WASF3: variants seen among roughly 807,000 people sequenced by gnomAD.
The protein encoded by WASF3 is WASP family member 3, also known as actin-binding protein WASF3.
In WASF3, 11 loss-of-function variants were observed where a neutral mutation model predicts 46.6. The observed-to-expected ratio is 0.24, with a 90% CI of 0.15 to 0.39. The LOEUF (loss-of-function observed/expected upper bound fraction) is 0.39. Ranked by LOEUF, WASF3 falls within the 10% of genes least tolerant of loss-of-function variation. The pLI is 1.00. For synonymous variants in WASF3, 242 were observed against 259.7 expected (o/e 0.93, Z 0.65); for missense variants, 576 against 669.8 (o/e 0.86, Z 1.55).
intron 2 of WASF3, chr13:26,640,919 G>T (rs1881977818): frequency 6.6e-6 from 1 of 152,162 alleles, no homozygotes; most frequent in African/African-American, 2.4e-5. Context: ...CATATTTGTA[G>T]ATCTTTTCTC....
the WASF3 span, among the ~76,000 whole-genome samples, chr13:26,551,840 T>C: frequency 1.3e-5 from 2 of 152,200 alleles, no homozygotes; most frequent in Admixed American, 6.5e-5. Flanking sequence ...AGTGGGAGAC[T>C]CTGACGGTTT....
At chr13:26,573,319 T>G (rs1322015810) in intron 1 of WASF3, among the ~76,000 whole-genome samples, 2 of 152,180 alleles carry the variant, frequency 1.3e-5, no homozygotes, top group Non-Finnish European at 2.9e-5. Flanking sequence ...TTTGTGCATT[T>G]GCTCATTTTT....
In WASF3 at chr13:26,686,034, CAT is replaced by C. The variant is rs1883394906; in HGVS notation, c.*191_*192del. 2 of 673,476 alleles carry C rather than the reference CAT, an allele frequency of 3.0e-6. No individual in the cohort carries two copies. The highest frequency in any genetic ancestry group is 1.8e-5 in the African/African-American group (1 of 55,606). 41.7% of individuals were successfully genotyped at this position (673,476 alleles called of 1,614,324 possible). On this transcript the variant is annotated 3_prime_UTR_variant, in exon 10 of 10. Coordinates refer to ENST00000335327, the MANE Select transcript of WASF3 (RefSeq NM_006646.6). ...TGTGTAATACTTAAGTGCCACTAAA[CAT>C]AGCAAATTGTGCTGCACATGAGGAA...
intron 1 of WASF3, among the ~76,000 whole-genome samples, chr13:26,558,559 CAGTT>C (rs1241720058): frequency 6.7e-6 from 1 of 150,316 alleles, no homozygotes; most frequent in East Asian, 1.9e-4. Context: ...AGCTTCCTCT[CAGTT>C]TGTGGTGCTG....
rs1027505693 is a variant in WASF3, at chr13:26,688,062, A to G, written c.*2217A>G. 1 of 152,164 alleles carries G rather than the reference A, an allele frequency of 6.6e-6. No individual in the cohort carries two copies. Among genetic ancestry groups the G allele is most frequent in the Non-Finnish European group, 1.5e-5 (1 of 68,030 alleles). 9.4% of individuals were successfully genotyped at this position (152,164 alleles called of 1,614,324 possible). Reference sequence around the variant, plus strand: ...GAATCAACAAGTTATTTTCAACTCAATTTTATGACTTGCGAAAAAGCTTTT... The same window carrying G: ...GAATCAACAAGTTATTTTCAACTCAGTTTTATGACTTGCGAAAAAGCTTTT... On this transcript the variant is annotated 3_prime_UTR_variant, in exon 10 of 10. Transcript: ENST00000335327.
chr13:26,641,610 T>G (rs1036491674), intron 2 of WASF3, among the ~76,000 whole-genome samples: 1 of 151,880 alleles, frequency 6.6e-6, no homozygotes, highest in Non-Finnish European at 1.5e-5. Context: ...AAACAGGAAT[T>G]AGGGAGAGAT....
chr13:26,569,773 A>T (rs1246716666), intron 1 of WASF3, among the ~76,000 whole-genome samples: 2 of 152,256 alleles, frequency 1.3e-5, no homozygotes, highest in East Asian at 3.8e-4. Flanking sequence ...AGTTTTATTG[A>T]AAAGATTGAT....
rs763182288 is a variant in WASF3, at chr13:26,671,908, T to C, written c.459T>C (p.Asp153=). 12 of 1,610,866 alleles carry C rather than the reference T, an allele frequency of 7.4e-6. No homozygotes were observed. In the South Asian group the frequency reaches 1.3e-4, roughly 18 times the overall value. The part of the protein sequence containing the change: ...DKKDGLKFYT[D]PSYFFDLWKE... ...AGGATGGGCTGAAGTTCTATACTGA[T>C]CCTTCCTATTTCTTTGACCTCTGGA... The change falls in exon 6 of 10, where the codon GAT becomes GAC. Residue 153 remains aspartate, a synonymous_variant. Coordinates refer to ENST00000335327, the MANE Select transcript of WASF3 (RefSeq NM_006646.6).
At chr13:26,665,216 T>A in intron 4 of WASF3, 54 bp downstream of exon 4, 2 of 1,591,052 alleles carry the variant, frequency 1.3e-6, no homozygotes, top group Non-Finnish European at 1.7e-6. Flanking sequence ...AAGATGGTAG[T>A]AATTAATTGC....
chr13:26,568,165 C>G (rs984339006), intron 1 of WASF3, among the ~76,000 whole-genome samples: 1 of 151,996 alleles, frequency 6.6e-6, no homozygotes, highest in African/African-American at 2.4e-5. Context: ...AGATGAAAAA[C>G]CATTGCAAAG....
chr13:26,658,725 T>G (rs888492812), intron 3 of WASF3, among the ~76,000 whole-genome samples: 1 of 152,310 alleles, frequency 6.6e-6, no homozygotes, highest in South Asian at 2.1e-4. Context: ...AAGGCAGAAC[T>G]CCAACTCTCC....
intron 3 of WASF3, among the ~76,000 whole-genome samples, chr13:26,657,737 T>G (rs971612179): frequency 6.6e-6 from 1 of 152,268 alleles, no homozygotes; most frequent in Non-Finnish European, 1.5e-5. Flanking sequence ...TAGCTATTAA[T>G]GGACTTGCTA....
the WASF3 span, among the ~76,000 whole-genome samples, chr13:26,543,570 G>A: frequency 1.3e-5 from 2 of 152,098 alleles, no homozygotes; most frequent in African/African-American, 4.8e-5. Flanking sequence ...AGGAAGAGAG[G>A]AGAAAGGGCG....
At chr13:26,574,464 A>AT (rs149577585) in intron 1 of WASF3, among the ~76,000 whole-genome samples, 2,050 of 147,742 alleles carry the variant, frequency 0.014, 27 homozygotes, top group East Asian at 0.048. Context: ...TTTTGTCTTG[A>AT]TTTTTTTTTT....
At chr13:26,586,288 G>A (rs1490442406) in intron 1 of WASF3, among the ~76,000 whole-genome samples, 4 of 151,860 alleles carry the variant, frequency 2.6e-5, no homozygotes, top group African/African-American at 9.7e-5. Context: ...CATTTTTGCT[G>A]TTAATACATC....
chr13:26,671,909 C>G lies in WASF3; in HGVS notation c.460C>G (p.Pro154Ala). 1 of 1,610,632 alleles carries G rather than the reference C, an allele frequency of 6.2e-7. No individual in the cohort carries two copies. The highest frequency in any genetic ancestry group is 2.2e-5 in the East Asian group (1 of 44,694). The change falls in exon 6 of 10, where the codon CCT becomes GCT. Residue 154 changes from proline (P) to alanine (A), a missense_variant. Physicochemically the swap from Pro to Ala is conservative, Grantham distance 27 (BLOSUM62 -1). Coordinates refer to ENST00000335327, the MANE Select transcript of WASF3 (RefSeq NM_006646.6). ...KKDGLKFYTD[P>A]SYFFDLWKEK... is the part of the protein sequence containing the mutation. The stretch of plus-strand genomic sequence containing the variant: ...GGATGGGCTGAAGTTCTATACTGAT[C>G]CTTCCTATTTCTTTGACCTCTGGAA...
chr13:26,569,304 TC>T (rs1391938456), intron 1 of WASF3, among the ~76,000 whole-genome samples: 1 of 152,202 alleles, frequency 6.6e-6, no homozygotes, highest in Non-Finnish European at 1.5e-5. Flanking sequence ...GAATGCACAT[TC>T]TTTGTAAGTA....
At chr13:26,653,312 C>T (rs1301295240) in intron 3 of WASF3, among the ~76,000 whole-genome samples, 1 of 152,122 alleles carries the variant, frequency 6.6e-6, no homozygotes, top group African/African-American at 2.4e-5. Flanking sequence ...AAGAAGTCTC[C>T]CAATTTGAGT....
At chr13:26,599,184 CTTTTTTTT>C (rs57148941) in intron 1 of WASF3, among the ~76,000 whole-genome samples, 4 of 118,292 alleles carry the variant, frequency 3.4e-5, no homozygotes, top group Non-Finnish European at 5.0e-5. Flanking sequence ...CTTTTCATTT[CTTTTTTTT>C]TTTTTTTTTG....
Sources: gnomAD v4.1 joint callset for allele counts (sites outside exome capture counted in the v4.1 genomes callset) on GRCh38, gnomAD v4.1.1 for gene constraint, MANE v1.5 for transcripts, NCBI Gene and HGNC (gene_info 2026-07-23, HGNC 2026-07-21) for gene names.